The following CSMD1 variants were observed in gnomAD, a reference collection of about 807,000 sequenced individuals.
CSMD1 encodes CUB and sushi domain-containing protein 1.
In CSMD1, 213 loss-of-function variants were observed where a neutral mutation model predicts 417.5. The ratio of observed to expected loss-of-function variants is 0.51; its 90% CI spans 0.46 to 0.57. The LOEUF (loss-of-function observed/expected upper bound fraction) is 0.57, where lower values mean the gene tolerates loss of function less well. Ranked by LOEUF, CSMD1 falls within the 20% of genes least tolerant of loss-of-function variation. The pLI is 0.00. For synonymous variants in CSMD1, 2,862 were observed against 1,736.8 expected (o/e 1.65, Z -16.11); for missense variants, 6,923 against 4,529.7 (o/e 1.53, Z -15.17).
intron 3 of CSMD1, among the ~76,000 whole-genome samples, chr8:4,099,556 G>C (rs544908240): frequency 6.6e-6 from 1 of 151,666 alleles, no homozygotes; most frequent in African/African-American, 2.4e-5. Flanking sequence ...CTGAAGTACT[G>C]TTTAAGGCAT....
At chr8:3,122,969 C>G (rs9314474) in intron 41 of CSMD1, among the ~76,000 whole-genome samples, 28,142 of 152,130 alleles carry the variant, frequency 0.18, 4,274 homozygotes, top group African/African-American at 0.42. Context: ...CAAGGAAAAA[C>G]TTCTCCAGGT....
intron 2 of CSMD1, among the ~76,000 whole-genome samples, chr8:4,613,213 C>A (rs879463123): frequency 6.6e-6 from 1 of 152,112 alleles, no homozygotes; most frequent in East Asian, 1.9e-4. Flanking sequence ...AGAGAGAAAA[C>A]AATTTGTTGA....
At chr8:3,683,228 AAAT>A (rs1306560580) in intron 7 of CSMD1, among the ~76,000 whole-genome samples, 7 of 151,546 alleles carry the variant, frequency 4.6e-5, no homozygotes, top group African/African-American at 9.7e-5. Flanking sequence ...TTAAAAAATA[AAAT>A]AATAAAAAAT....
At chr8:4,430,637 A>C (rs1250382183) in intron 2 of CSMD1, among the ~76,000 whole-genome samples, 1 of 151,966 alleles carries the variant, frequency 6.6e-6, no homozygotes, top group South Asian at 2.1e-4. Flanking sequence ...TCTTTTTTTT[A>C]ATCAATGCAC....
intron 3 of CSMD1, among the ~76,000 whole-genome samples, chr8:4,035,284 A>G (rs1797558401): frequency 6.6e-6 from 1 of 152,140 alleles, no homozygotes; most frequent in Non-Finnish European, 1.5e-5. Context: ...CAGCACATAC[A>G]ATTAGGTTCA....
At chr8:3,375,689 G>A (rs1810263104) in intron 18 of CSMD1, among the ~76,000 whole-genome samples, 1 of 152,132 alleles carries the variant, frequency 6.6e-6, no homozygotes, top group Non-Finnish European at 1.5e-5. Context: ...GCATAGGAGA[G>A]ATTCCAATCC....
intron 5 of CSMD1, among the ~76,000 whole-genome samples, chr8:3,952,175 A>C (rs2930383): frequency 0.29 from 44,125 of 152,122 alleles, 6,692 homozygotes; most frequent in Middle Eastern, 0.34. Flanking sequence ...GACAGAGCAG[A>C]AACTGTTCAT....
chr8:4,420,693 T>C (rs1797200783), intron 2 of CSMD1, among the ~76,000 whole-genome samples: 1 of 152,090 alleles, frequency 6.6e-6, no homozygotes, highest in South Asian at 2.1e-4. Flanking sequence ...GTGAGTGAGA[T>C]GGTCAGGATA....
At chr8:3,964,333 C>T (rs919740117) in intron 5 of CSMD1, among the ~76,000 whole-genome samples, 5 of 152,132 alleles carry the variant, frequency 3.3e-5, no homozygotes, top group Non-Finnish European at 7.3e-5. Flanking sequence ...ATTGTGTCAC[C>T]GTGACTTATT....
At chr8:3,841,229 A>G (rs1325599823) in intron 5 of CSMD1, among the ~76,000 whole-genome samples, 1 of 152,212 alleles carries the variant, frequency 6.6e-6, no homozygotes, top group Admixed American at 6.6e-5. Flanking sequence ...TTGTTTGGAA[A>G]GGTTTATATT....
intron 3 of CSMD1, among the ~76,000 whole-genome samples, chr8:4,159,581 T>C (rs1050013694): frequency 6.6e-5 from 10 of 152,244 alleles, no homozygotes; most frequent in South Asian, 2.1e-4. Flanking sequence ...CTGGATGGGA[T>C]TGCAGACCAT....
intron 2 of CSMD1, among the ~76,000 whole-genome samples, chr8:4,477,958 T>A (rs926927442): frequency 5.9e-5 from 9 of 152,234 alleles, no homozygotes; most frequent in African/African-American, 2.2e-4. Flanking sequence ...TAAATATTCA[T>A]GCATTCCATC....
intron 6 of CSMD1, among the ~76,000 whole-genome samples, chr8:3,727,691 A>C (rs1802574670): frequency 6.6e-6 from 1 of 152,224 alleles, no homozygotes; most frequent in Non-Finnish European, 1.5e-5. Flanking sequence ...CATTATTTAC[A>C]ATAACCAAGG....
intron 3 of CSMD1, among the ~76,000 whole-genome samples, chr8:4,073,564 C>T (rs976777408): frequency 6.6e-6 from 1 of 152,024 alleles, no homozygotes; most frequent in African/African-American, 2.4e-5. Flanking sequence ...TGCTATTAAT[C>T]CTACAGTATG....
chr8:3,325,667 T>G (rs1806478513), intron 23 of CSMD1, among the ~76,000 whole-genome samples: 1 of 152,032 alleles, frequency 6.6e-6, no homozygotes, highest in Non-Finnish European at 1.5e-5. Context: ...CTACTAAAAA[T>G]ACAGAAGTTA....
intron 26 of CSMD1, among the ~76,000 whole-genome samples, chr8:3,264,143 T>C (rs887765063): frequency 1.3e-5 from 2 of 152,198 alleles, no homozygotes; most frequent in African/African-American, 4.8e-5. Context: ...CCCAGCTTTC[T>C]AGCAGGTATG....
chr8:4,073,705 G>A (rs989309341), intron 3 of CSMD1, among the ~76,000 whole-genome samples: 44 of 152,064 alleles, frequency 2.9e-4, no homozygotes, highest in African/African-American at 1.0e-3. Flanking sequence ...TCACCAACAT[G>A]CAAATATTGA....
chr8:4,112,092 C>G (rs905851014), intron 3 of CSMD1, among the ~76,000 whole-genome samples: 1 of 152,250 alleles, frequency 6.6e-6, no homozygotes, highest in South Asian at 2.1e-4. Flanking sequence ...TAAAAGGAAA[C>G]TGAAGGAACC....
At chr8:3,747,895 G>C (rs780957689) in intron 6 of CSMD1, among the ~76,000 whole-genome samples, 6 of 152,236 alleles carry the variant, frequency 3.9e-5, no homozygotes, top group African/African-American at 1.4e-4. Flanking sequence ...AAGGTCCTCA[G>C]TGTGGCGAGC....
Sources: gnomAD v4.1 joint callset for allele counts (sites outside exome capture counted in the v4.1 genomes callset) on GRCh38, gnomAD v4.1.1 for gene constraint, MANE v1.5 for transcripts, NCBI Gene and HGNC (gene_info 2026-07-23, HGNC 2026-07-21) for gene names.